Variants in KANSL1 observed in about 807,000 individuals in gnomAD.
The protein encoded by KANSL1 is KAT8 regulatory NSL complex subunit 1.
KANSL1 carries 22 observed loss-of-function variants against 103.6 expected under a neutral mutation model. The ratio of observed to expected loss-of-function variants is 0.21; its 90% CI spans 0.15 to 0.30. The LOEUF (loss-of-function observed/expected upper bound fraction) is 0.30. Among genes scored for constraint, KANSL1 ranks in the 10% least tolerant of loss-of-function variants. The pLI, the probability that KANSL1 is intolerant of heterozygous loss-of-function variation, is 1.00. For synonymous variants in KANSL1, 600 were observed against 527.6 expected (o/e 1.14, Z -1.88); for missense variants, 1,337 against 1,399.8 (o/e 0.96, Z 0.72).
intron 6 of KANSL1, among the ~76,000 whole-genome samples, chr17:46,055,542 A>G (rs576672846): frequency 8.2e-4 from 125 of 152,300 alleles, no homozygotes; most frequent in Admixed American, 1.4e-3. Context: ...GTTTAACAAG[A>G]AATTTAAGCA....
chr17:46,146,538 T>C (rs971033051), intron 2 of KANSL1, among the ~76,000 whole-genome samples: 1 of 151,504 alleles, frequency 6.6e-6, no homozygotes, highest in African/African-American at 2.4e-5. Flanking sequence ...TATGTGTCTA[T>C]CACAAGAAGT....
intron 10 of KANSL1, among the ~76,000 whole-genome samples, chr17:46,036,315 C>T (rs1378223385): frequency 6.6e-6 from 1 of 152,180 alleles, no homozygotes; most frequent in Admixed American, 6.5e-5. Flanking sequence ...AAAACACTCG[C>T]TCTCCTCCCT....
At chr17:46,199,967 C>T (rs985772555) in intron 1 of KANSL1, among the ~76,000 whole-genome samples, 5 of 152,130 alleles carry the variant, frequency 3.3e-5, no homozygotes, top group Non-Finnish European at 5.9e-5. Flanking sequence ...CAGCTACCAG[C>T]ACTCATTTCT....
chr17:46,174,341 C>T (rs1257730798), intron 1 of KANSL1, among the ~76,000 whole-genome samples: 4 of 152,030 alleles, frequency 2.6e-5, no homozygotes, highest in South Asian at 2.1e-4. Context: ...CGTGCCACCA[C>T]GCCTGGCTAA....
intron 1 of KANSL1, among the ~76,000 whole-genome samples, chr17:46,179,736 G>A (rs565112280): frequency 2.6e-5 from 4 of 152,326 alleles, no homozygotes; most frequent in Non-Finnish European, 4.4e-5. Flanking sequence ...AAAAGGCAAC[G>A]CTGTGTGGGA....
At chr17:46,133,473 G>A (rs1434997449) in intron 2 of KANSL1, among the ~76,000 whole-genome samples, 1 of 152,154 alleles carries the variant, frequency 6.6e-6, no homozygotes, top group East Asian at 1.9e-4. Context: ...CTATGAGGCA[G>A]GAAAAAGCAC....
upstream of KANSL1, among the ~76,000 whole-genome samples, chr17:46,194,530 TACAAAGTGTCAC>T (rs2047538845): frequency 3.3e-5 from 5 of 152,362 alleles, no homozygotes; most frequent in South Asian, 6.2e-4. Context: ...CATAATGTAA[TACAAAGTGTCAC>T]ACAAAGTGTA....
chr17:46,043,460 G>C (rs966292279), intron 7 of KANSL1: 2 of 152,214 alleles, frequency 1.3e-5, no homozygotes, highest in African/African-American at 4.8e-5. Flanking sequence ...TTCCACCTGT[G>C]AAATGAGGCA....
chr17:46,167,707 C>G (rs1201663042), intron 2 of KANSL1, among the ~76,000 whole-genome samples: 1 of 152,216 alleles, frequency 6.6e-6, no homozygotes, highest in Non-Finnish European at 1.5e-5. Flanking sequence ...TCTAAAGTCT[C>G]ATTTAGCAAT....
At chr17:46,154,024 T>TGAGG (rs2045277873) in intron 2 of KANSL1, among the ~76,000 whole-genome samples, 1 of 152,212 alleles carries the variant, frequency 6.6e-6, no homozygotes, top group African/African-American at 2.4e-5. Context: ...GATGCAGCAT[T>TGAGG]TTGAAATCGA....
intron 1 of KANSL1, among the ~76,000 whole-genome samples, chr17:46,188,394 T>C (rs1276067861): frequency 6.6e-6 from 1 of 152,262 alleles, no homozygotes. Flanking sequence ...CAGAGGTATA[T>C]ACGCAACTTA....
At chr17:46,125,616 C>T (rs1009845845) in intron 2 of KANSL1, among the ~76,000 whole-genome samples, 6 of 152,190 alleles carry the variant, frequency 3.9e-5, no homozygotes, top group Admixed American at 1.3e-4. Flanking sequence ...ATCATATATA[C>T]AGTGTAATAT....
intron 1 of KANSL1, among the ~76,000 whole-genome samples, chr17:46,200,067 C>CACACACACACA (rs571952343): frequency 8.5e-6 from 1 of 118,074 alleles, no homozygotes; most frequent in Non-Finnish European, 2.0e-5. Context: ...ACACACACAC[C>CACACACACACA]CTGATTATTT....
intron 3 of KANSL1, among the ~76,000 whole-genome samples, chr17:46,082,799 CAT>C (rs1490398635): frequency 1.3e-5 from 2 of 152,090 alleles, no homozygotes; most frequent in African/African-American, 4.8e-5. Flanking sequence ...CATCTTTATT[CAT>C]ATCTTTCAGA....
chr17:46,032,953 C>A, intron 13 of KANSL1, 127 bp downstream of exon 13: 1 of 678,160 alleles, frequency 1.5e-6, no homozygotes, highest in South Asian at 1.9e-5. Context: ...GAGCTATTTG[C>A]CACTGCCAGT....
intron 1 of KANSL1, among the ~76,000 whole-genome samples, chr17:46,212,275 C>CCACT (rs1042560268): frequency 1.7e-4 from 26 of 151,672 alleles, no homozygotes; most frequent in Non-Finnish European, 3.2e-4. Flanking sequence ...GGCTGGAGTG[C>CCACT]AGTGGCACCA....
chr17:46,144,137 A>G (rs1339193917), intron 2 of KANSL1, among the ~76,000 whole-genome samples: 1 of 152,212 alleles, frequency 6.6e-6, no homozygotes, highest in African/African-American at 2.4e-5. Flanking sequence ...AGATATAACT[A>G]TACTACTACT....
chr17:46,200,031 A>C (rs866999837), intron 1 of KANSL1, among the ~76,000 whole-genome samples: 172 of 127,242 alleles, frequency 1.4e-3, no homozygotes, highest in African/African-American at 5.7e-3. Flanking sequence ...AAGTTCCTCA[A>C]TGAGTTTACA....
In KANSL1 at chr17:46,164,378, T is replaced by C. The variant is rs2045895847; in HGVS notation, c.1289+6477A>G. On this transcript the variant is annotated intron_variant, in intron 2 of 14. Transcript: ENST00000432791. ...TCTCAGGAAAAAAATGAGAAGAGAA[T>C]AGAAGAAAAAAACACAAGTTCCTAC... Among the ~76,000 whole-genome samples the C allele has an allele frequency of 2.0e-5, 3 of 152,194 alleles. No homozygotes were observed. The South Asian group carries it at 6.2e-4, about 31-fold the overall frequency.
Sources: allele counts gnomAD v4.1 joint callset (sites outside exome capture counted in the v4.1 genomes callset), GRCh38; gene constraint gnomAD v4.1.1; transcripts MANE v1.5; gene names NCBI Gene and HGNC (gene_info 2026-07-23, HGNC 2026-07-21).